Variants in SH3RF3 observed in about 807,000 individuals in gnomAD.
SH3RF3 encodes E3 ubiquitin-protein ligase SH3RF3.
A neutral mutation model predicts 66.3 loss-of-function variants in SH3RF3; 29 were observed. That is an observed-to-expected ratio of 0.44 (90% CI 0.33 to 0.60). The LOEUF is 0.60. Ranked by LOEUF, SH3RF3 falls within the 20% of genes least tolerant of loss-of-function variation. The pLI is 0.04. For synonymous variants in SH3RF3, 583 were observed against 532.0 expected, an observed-to-expected ratio of 1.10 and a Z score of -1.32; for missense variants, 1,194 against 1,190.9, an observed-to-expected ratio of 1.00 and a Z score of -0.04.
chr2:109,273,036 A>G (rs754943787), intron 1 of SH3RF3, among the ~76,000 whole-genome samples: 5 of 152,220 alleles, frequency 3.3e-5, no homozygotes, highest in Non-Finnish European at 5.9e-5. Context: ...TTTTAATTTT[A>G]CCAGTGGGAG....
intron 1 of SH3RF3, among the ~76,000 whole-genome samples, chr2:109,262,268 T>C (rs571049634): frequency 6.6e-6 from 1 of 152,316 alleles, no homozygotes; most frequent in East Asian, 1.9e-4. Flanking sequence ...GAGAAACCAG[T>C]TGTCTAAGTG....
At chr2:109,208,789 A>T (rs1321671877) in intron 1 of SH3RF3, among the ~76,000 whole-genome samples, 1 of 152,196 alleles carries the variant, frequency 6.6e-6, no homozygotes, top group African/African-American at 2.4e-5. Flanking sequence ...CTAGAAATAC[A>T]TGTGTTGAGC....
intron 1 of SH3RF3, among the ~76,000 whole-genome samples, chr2:109,284,311 C>A (rs1680968628): frequency 6.6e-6 from 1 of 152,182 alleles, no homozygotes; most frequent in Non-Finnish European, 1.5e-5. Flanking sequence ...TACTGAAAGG[C>A]ATTTTTATTC....
intron 8 of SH3RF3, among the ~76,000 whole-genome samples, chr2:109,460,340 C>T (rs1317720471): frequency 6.6e-6 from 1 of 152,192 alleles, no homozygotes; most frequent in Non-Finnish European, 1.5e-5. Flanking sequence ...TCACCTTGCC[C>T]CCAGGTGGAT....
At chr2:109,184,029 G>A (rs1257909085) in intron 1 of SH3RF3, among the ~76,000 whole-genome samples, 1 of 152,232 alleles carries the variant, frequency 6.6e-6, no homozygotes, top group Admixed American at 6.5e-5. Context: ...CACGGTGTGT[G>A]TTGAGTGCTA....
chr2:109,341,614 T>A (rs1682554734), intron 1 of SH3RF3, among the ~76,000 whole-genome samples: 1 of 152,248 alleles, frequency 6.6e-6, no homozygotes, highest in Admixed American at 6.5e-5. Flanking sequence ...TCCTTTTTCT[T>A]ACTTCATGGT....
At chr2:109,182,825 T>C (rs940769236) in intron 1 of SH3RF3, among the ~76,000 whole-genome samples, 6 of 152,170 alleles carry the variant, frequency 3.9e-5, no homozygotes, top group Non-Finnish European at 5.9e-5. Context: ...AATAGAATGC[T>C]CAACTGCCTG....
chr2:109,266,007 A>C (rs939395161), intron 1 of SH3RF3, among the ~76,000 whole-genome samples: 1 of 151,978 alleles, frequency 6.6e-6, no homozygotes, highest in Non-Finnish European at 1.5e-5. Context: ...TGTCATGTGC[A>C]TGTGTGTGTA....
Position 109,347,951 on chromosome 2 carries a change from T to G in SH3RF3, c.849+2T>G. On this transcript the variant is annotated splice_donor_variant, in intron 2 of 9. Transcript: ENST00000309415. LOFTEE classifies it high-confidence loss of function. ...AAGGACTGTCTGACCTTCACCAAGG[T>G]AAGGTGAGCCCCGGGGTGGGCCCCG... is the stretch of plus-strand genomic sequence containing the variant. 1 of 1,596,082 alleles carries G rather than the reference T, an allele frequency of 6.3e-7. No individual in the cohort carries two copies.
At position 109,490,724 on chromosome 2, in the gene SH3RF3, C is replaced by T. The variant is rs1269145734; in HGVS notation, c.2268C>T (p.Leu756=). 1.3e-6 allele frequency: 2 copies of T among 1,535,586 alleles called. No homozygotes were observed. The highest frequency in any genetic ancestry group is 1.2e-5 in the South Asian group (1 of 83,938). ...HDPQVAVDAL[L]QGAVGPEVSS... is the part of the protein sequence containing the mutation. Reference sequence around the variant, plus strand: ...CCCAGGTGGCCGTGGACGCCCTGCTCCAAGGTGCAGTGGGCCCCGAAGTGT... The same window carrying T: ...CCCAGGTGGCCGTGGACGCCCTGCTTCAAGGTGCAGTGGGCCCCGAAGTGT... The change falls in exon 9 of 10, where the codon CTC becomes CTT. Residue 756 remains leucine (L), a synonymous_variant. Coordinates refer to ENST00000309415, the MANE Select transcript of SH3RF3 (RefSeq NM_001099289.3).
rs188105816 is a variant in SH3RF3 at position 109,187,964 on chromosome 2, G to A, written c.573+57851G>A. 5.3e-4 allele frequency among the ~76,000 whole-genome samples: 80 copies of A among 152,306 alleles called. 1 individual carries two copies. Among genetic ancestry groups the A allele is most frequent in the African/African-American group, 1.7e-3 (72 of 41,564 alleles). On this transcript the variant is annotated intron_variant, in intron 1 of 9. Coordinates refer to ENST00000309415, the MANE Select transcript of SH3RF3 (RefSeq NM_001099289.3). ...TCAGAGCAGCCCGTCTTTGGAGGGC[G>A]GTAGGGATTGTAAGGAAGGGGGGCA...
At chr2:109,285,197 G>C (rs1559001487) in intron 1 of SH3RF3, among the ~76,000 whole-genome samples, 2 of 152,204 alleles carry the variant, frequency 1.3e-5, no homozygotes, top group Non-Finnish European at 2.9e-5. Flanking sequence ...GCCTGGCACT[G>C]GCCTTCTGGT....
chr2:109,464,277 C>A (rs2104696498), intron 8 of SH3RF3, among the ~76,000 whole-genome samples: 1 of 152,312 alleles, frequency 6.6e-6, no homozygotes, highest in South Asian at 2.1e-4. Context: ...CACAAATATA[C>A]ACACATTCAT....
At chr2:109,211,046 T>C (rs1448159370) in intron 1 of SH3RF3, among the ~76,000 whole-genome samples, 1 of 152,158 alleles carries the variant, frequency 6.6e-6, no homozygotes, top group African/African-American at 2.4e-5. Context: ...TTCAGTTGAG[T>C]CTGTTCTGCT....
At chr2:109,211,325 A>G (rs1678969100) in intron 1 of SH3RF3, among the ~76,000 whole-genome samples, 1 of 152,230 alleles carries the variant, frequency 6.6e-6, no homozygotes, top group South Asian at 2.1e-4. Context: ...TAACATCTTT[A>G]TTAATAATGC....
chr2:109,357,469 C>T (rs1456459662), intron 2 of SH3RF3, among the ~76,000 whole-genome samples: 1 of 152,232 alleles, frequency 6.6e-6, no homozygotes, highest in Non-Finnish European at 1.5e-5. Context: ...GCGTGAGCCA[C>T]CGCACCCGGC....
chr2:109,423,966 A>G (rs1676960098), intron 5 of SH3RF3, among the ~76,000 whole-genome samples: 1 of 152,214 alleles, frequency 6.6e-6, no homozygotes, highest in Non-Finnish European at 1.5e-5. Context: ...TCTGGATGAC[A>G]TAGACCCTGG....
intron 1 of SH3RF3, among the ~76,000 whole-genome samples, chr2:109,256,502 C>T (rs944263784): frequency 2.0e-5 from 3 of 152,162 alleles, no homozygotes; most frequent in African/African-American, 7.2e-5. Context: ...CAGTCACAAA[C>T]ACTTACCAAG....
intron 8 of SH3RF3, among the ~76,000 whole-genome samples, chr2:109,456,029 G>A (rs1029774812): frequency 6.6e-6 from 1 of 152,186 alleles, no homozygotes; most frequent in African/African-American, 2.4e-5. Context: ...GAGCCCCTTG[G>A]CCCATGCTCT....
Sources: allele counts gnomAD v4.1 joint callset (sites outside exome capture counted in the v4.1 genomes callset), GRCh38; gene constraint gnomAD v4.1.1; transcripts MANE v1.5; gene names NCBI Gene and HGNC (gene_info 2026-07-23, HGNC 2026-07-21).